ADARB2: variants seen among roughly 807,000 people sequenced by gnomAD.
The protein encoded by ADARB2 is inactive double-stranded RNA-specific editase B2.
Under a neutral mutation model 62.2 loss-of-function variants are expected in ADARB2, and 25 were observed. The observed-to-expected ratio is 0.40, with a 90% CI of 0.29 to 0.56. The LOEUF (loss-of-function observed/expected upper bound fraction) is 0.56. Ranked by LOEUF, ADARB2 falls within the 20% of genes least tolerant of loss-of-function variation. ADARB2 has a pLI of 0.43. For synonymous variants in ADARB2, 572 were observed against 500.8 expected (o/e 1.14, Z -1.90); for missense variants, 1,071 against 1,077.4 (o/e 0.99, Z 0.08).
In ADARB2 at chr10:1,178,964, T is replaced by C. The variant is rs1218655096; in HGVS notation, c.*4229A>G. On this transcript the variant is annotated 3_prime_UTR_variant, in exon 10 of 10. Transcript: ENST00000381312. ...TTAGAAAGTGATACTTATTGTATTT[T>C]GGGCCAATTAGTCAGATTATTTTAT... is the stretch of plus-strand genomic sequence containing the variant. 6.6e-6 allele frequency: 1 copy of C among 152,232 alleles called. No individual in the cohort carries two copies. Among genetic ancestry groups the C allele is most frequent in the Non-Finnish European group, 1.5e-5 (1 of 68,038 alleles). The allele number at this position is 152,232 out of a possible 1,614,324, so 9.4% of individuals were successfully genotyped here.
At chr10:1,642,423 G>A (rs545647479) in intron 1 of ADARB2, among the ~76,000 whole-genome samples, 5 of 152,080 alleles carry the variant, frequency 3.3e-5, no homozygotes, top group Admixed American at 6.5e-5. Flanking sequence ...AGTAAACATC[G>A]TCAACAGCAG....
chr10:1,601,404 C>T (rs576367135), intron 1 of ADARB2, among the ~76,000 whole-genome samples: 57 of 152,348 alleles, frequency 3.7e-4, no homozygotes, highest in African/African-American at 1.2e-3. Flanking sequence ...TCACAGTAAA[C>T]GGTTTCCTGT....
chr10:1,576,310 G>T (rs992155248), intron 1 of ADARB2, among the ~76,000 whole-genome samples: 4 of 150,352 alleles, frequency 2.7e-5, no homozygotes, highest in Non-Finnish European at 5.9e-5. Context: ...GGGGCTCAGG[G>T]TCACAGGATG....
chr10:1,481,668 C>T (rs942331197), intron 1 of ADARB2, among the ~76,000 whole-genome samples: 7 of 151,942 alleles, frequency 4.6e-5, no homozygotes, highest in South Asian at 2.1e-4. Flanking sequence ...ACCAGCCTGG[C>T]CAACATGGTG....
At chr10:1,656,312 G>A (rs1041048230) in intron 1 of ADARB2, among the ~76,000 whole-genome samples, 12 of 152,194 alleles carry the variant, frequency 7.9e-5, no homozygotes, top group Non-Finnish European at 2.9e-5. Flanking sequence ...GACTCATGGC[G>A]TCTCCTCCAC....
Position 1,179,892 on chromosome 10 carries a change from C to T in ADARB2, c.*3301G>A, listed in dbSNP as rs1452508366. On this transcript the variant is annotated 3_prime_UTR_variant, in exon 10 of 10. Transcript: ENST00000381312. ...TCATCAGCCCCCCTTGTGTCGTGCC[C>T]AGCGTATTTTCAGGGTGACAGAAAG... 1 of 151,148 alleles carries T rather than the reference C, an allele frequency of 6.6e-6. No homozygotes were observed. The highest frequency in any genetic ancestry group is 1.5e-5 in the Non-Finnish European group (1 of 67,994). 9.4% of individuals were successfully genotyped at this position (151,148 alleles called of 1,614,324 possible).
intron 3 of ADARB2, among the ~76,000 whole-genome samples, chr10:1,283,513 AGCCTATGGCACAT>A (rs1367171062): frequency 6.6e-6 from 1 of 152,254 alleles, no homozygotes; most frequent in African/African-American, 2.4e-5. Flanking sequence ...TGGTGTGGAC[AGCCTATGGCACAT>A]GCCCTCCATG....
intron 1 of ADARB2, among the ~76,000 whole-genome samples, chr10:1,546,980 C>T (rs1181992351): frequency 6.6e-6 from 1 of 152,202 alleles, no homozygotes; most frequent in Non-Finnish European, 1.5e-5. Context: ...CCAGTGAGCA[C>T]TGCATGTTAG....
chr10:1,543,151 G>A (rs190824193), intron 1 of ADARB2, among the ~76,000 whole-genome samples: 9 of 152,330 alleles, frequency 5.9e-5, no homozygotes, highest in East Asian at 3.9e-4. Flanking sequence ...TGCTCTCTGC[G>A]TTCCCACGGT....
intron 1 of ADARB2, among the ~76,000 whole-genome samples, chr10:1,692,519 AG>A (rs1834686952): frequency 6.6e-6 from 1 of 152,188 alleles, no homozygotes; most frequent in African/African-American, 2.4e-5. Context: ...CTCAAGGCAT[AG>A]AATGTTAGGA....
chr10:1,636,764 A>G (rs1833921385), intron 1 of ADARB2, among the ~76,000 whole-genome samples: 1 of 149,082 alleles, frequency 6.7e-6, no homozygotes, highest in Non-Finnish European at 1.5e-5. Context: ...TCATATCAAT[A>G]TACAATATAT....
chr10:1,448,757 G>A (rs549549682), intron 1 of ADARB2, among the ~76,000 whole-genome samples: 1 of 152,236 alleles, frequency 6.6e-6, no homozygotes, highest in South Asian at 2.1e-4. Flanking sequence ...AGGAAACCGT[G>A]CTTGGTCTAA....
chr10:1,350,729 C>T (rs1468317392), intron 3 of ADARB2, among the ~76,000 whole-genome samples: 1 of 152,118 alleles, frequency 6.6e-6, no homozygotes, highest in East Asian at 1.9e-4. Context: ...GTCAAAAGGT[C>T]ATCTTATTCT....
chr10:1,208,502 T>C (rs4880790), intron 7 of ADARB2, among the ~76,000 whole-genome samples: 47,549 of 152,158 alleles, frequency 0.31, 8,729 homozygotes, highest in African/African-American at 0.5. Context: ...CATGCTGGGC[T>C]CTGTCCCTGC....
At chr10:1,494,871 G>A (rs1228585736) in intron 1 of ADARB2, among the ~76,000 whole-genome samples, 2 of 152,088 alleles carry the variant, frequency 1.3e-5, no homozygotes, top group Admixed American at 1.3e-4. Flanking sequence ...GCAGCTTCAG[G>A]ATGAACCATC....
intron 1 of ADARB2, among the ~76,000 whole-genome samples, chr10:1,576,097 G>GT: frequency 1.6e-5 from 1 of 61,366 alleles, no homozygotes; most frequent in Non-Finnish European, 3.8e-5. Flanking sequence ...TCAGGGCCAC[G>GT]GGAGGGGGCT....
chr10:1,704,006 T>G lies in ADARB2; in HGVS notation c.100+33045A>C, dbSNP rs1241732804. Among the ~76,000 whole-genome samples the G allele has an allele frequency of 6.6e-6, 1 of 152,228 alleles. No homozygotes were observed. Among genetic ancestry groups the G allele is most frequent in the Non-Finnish European group, 1.5e-5 (1 of 68,046 alleles). ...TTTGTTTATTGGATGCTACATTAGC[T>G]ATCTATTGCTTTGTGACAAGTTACC... is the stretch of plus-strand genomic sequence containing the variant. On this transcript the variant is annotated intron_variant, in intron 1 of 9. Coordinates refer to ENST00000381312, the MANE Select transcript of ADARB2 (RefSeq NM_018702.4). The surrounding 1 kb of genome is among the most constrained non-coding windows in gnomAD (Gnocchi z 5.6).
chr10:1,638,110 G>T (rs1049376586), intron 1 of ADARB2, among the ~76,000 whole-genome samples: 12 of 152,154 alleles, frequency 7.9e-5, no homozygotes, highest in African/African-American at 2.9e-4. Context: ...CTCATTAGTT[G>T]CCTCTGTATT....
At chr10:1,232,388 G>A (rs945074420) in intron 6 of ADARB2, among the ~76,000 whole-genome samples, 13 of 151,024 alleles carry the variant, frequency 8.6e-5, no homozygotes, top group Non-Finnish European at 1.3e-4. Context: ...TGTGGTATGC[G>A]TGGTATGCAT....
Sources: gnomAD v4.1 joint callset for allele counts (sites outside exome capture counted in the v4.1 genomes callset) on GRCh38, gnomAD v4.1.1 for gene constraint, Gnocchi (gnomAD v3.1) non-coding constraint, MANE v1.5 for transcripts, NCBI Gene and HGNC (gene_info 2026-07-23, HGNC 2026-07-21) for gene names.